Variants in MYH10 observed in about 807,000 individuals in gnomAD.
MYH10 encodes the protein myosin heavy chain 10, also known as myosin-10.
In MYH10, 55 loss-of-function variants were observed where a neutral mutation model predicts 257.8. The observed-to-expected ratio is 0.21, with a 90% CI of 0.17 to 0.27. The LOEUF is 0.27. Ranked by LOEUF, MYH10 falls within the 10% of genes least tolerant of loss-of-function variation. The pLI, the probability that MYH10 is intolerant of heterozygous loss-of-function variation, is 1.00. For synonymous variants in MYH10, 854 were observed against 921.7 expected (o/e 0.93, Z 1.33); for missense variants, 1,631 against 2,500.6 (o/e 0.65, Z 7.42).
At chr17:8,576,989 A>G (rs1003862681) in intron 5 of MYH10, among the ~76,000 whole-genome samples, 12 of 152,218 alleles carry the variant, frequency 7.9e-5, no homozygotes, top group African/African-American at 2.2e-4. Flanking sequence ...AATCTTTGCA[A>G]GAAATTAGGC....
At position 8,512,691 on chromosome 17, in the gene MYH10, CT is replaced by C. The variant is rs760867861; in HGVS notation, c.2746-35del. ...ACAATAAAGTGTCTGTGATTTGCCC[CT>C]ATTACATACGTACACAGTATATATT... On this transcript the variant is annotated intron_variant, in intron 23 of 42. Coordinates refer to ENST00000360416, the MANE Select transcript of MYH10 (RefSeq NM_001256012.3). The C allele has an allele frequency of 4.5e-6, 7 of 1,564,290 alleles. No individual in the cohort carries two copies. In the South Asian group the frequency reaches 4.5e-5, roughly 10 times the overall value.
intron 7 of MYH10, among the ~76,000 whole-genome samples, chr17:8,555,210 T>C (rs2082755077): frequency 1.3e-5 from 2 of 152,194 alleles, no homozygotes; most frequent in East Asian, 1.9e-4. Flanking sequence ...TAAGAAGGAC[T>C]GACACTAGTA....
chr17:8,524,941 A>G (rs780798203), intron 17 of MYH10, among the ~76,000 whole-genome samples: 1 of 152,142 alleles, frequency 6.6e-6, no homozygotes, highest in Non-Finnish European at 1.5e-5. Context: ...CAATTTCTCT[A>G]AGCCTCAATT....
chr17:8,486,770 A>C (rs1914887552), intron 36 of MYH10, among the ~76,000 whole-genome samples: 1 of 152,100 alleles, frequency 6.6e-6, no homozygotes, highest in South Asian at 2.1e-4. Flanking sequence ...TTCCCCACAC[A>C]CCCCATCACT....
intron 40 of MYH10, among the ~76,000 whole-genome samples, chr17:8,478,934 G>A (rs1009007144): frequency 1.2e-4 from 18 of 152,270 alleles, no homozygotes; most frequent in South Asian, 2.1e-4. Flanking sequence ...GTTTTACTAC[G>A]TTGGCCAGGC....
At chr17:8,509,992 T>C (rs760513171) in intron 24 of MYH10, 43 bp from the exon 25 acceptor site, 13 of 1,537,434 alleles carry the variant, frequency 8.5e-6, no homozygotes, top group South Asian at 7.1e-5. Flanking sequence ...TTCTCGAGAT[T>C]TGACCACACA....
intron 14 of MYH10, among the ~76,000 whole-genome samples, chr17:8,536,152 T>C (rs1443934610): frequency 6.6e-6 from 1 of 152,104 alleles, no homozygotes; most frequent in African/African-American, 2.4e-5. Flanking sequence ...GAGTAACTTA[T>C]CTCAAACTTA....
intron 2 of MYH10, among the ~76,000 whole-genome samples, chr17:8,608,147 C>T (rs1023400257): frequency 2.0e-5 from 3 of 152,104 alleles, no homozygotes; most frequent in Non-Finnish European, 4.4e-5. Context: ...CTGAACAATT[C>T]GGATTTTGTC....
At chr17:8,485,938 GGATA>G (rs1439801130) in intron 36 of MYH10, among the ~76,000 whole-genome samples, 1 of 152,176 alleles carries the variant, frequency 6.6e-6, no homozygotes, top group East Asian at 1.9e-4. Flanking sequence ...TCCAACTGGG[GGATA>G]GACGAGTAAA....
At chr17:8,539,430 TAG>T (rs1190268847) in intron 14 of MYH10, among the ~76,000 whole-genome samples, 1 of 152,136 alleles carries the variant, frequency 6.6e-6, no homozygotes, top group Admixed American at 6.6e-5. Flanking sequence ...GAGCATCAGT[TAG>T]AGTCATACCC....
chr17:8,609,080 G>A (rs1197419718), intron 2 of MYH10, among the ~76,000 whole-genome samples: 3 of 152,170 alleles, frequency 2.0e-5, no homozygotes, highest in African/African-American at 7.2e-5. Flanking sequence ...CAAAGTGCTG[G>A]GATTACAGGC....
At position 8,490,634 on chromosome 17, in the gene MYH10, C is replaced by T; in HGVS notation, c.4672-82G>A. 1 of 1,424,086 alleles carries T rather than the reference C, an allele frequency of 7.0e-7. No homozygotes were observed. Among genetic ancestry groups the T allele is most frequent in the East Asian group, 2.3e-5 (1 of 43,524 alleles). 88.2% of individuals were successfully genotyped at this position (1,424,086 alleles called of 1,614,324 possible). On this transcript the variant is annotated intron_variant, in intron 34 of 42. Transcript: ENST00000360416. The surrounding 1 kb of genome is among the most constrained non-coding windows in gnomAD (Gnocchi z 4.1). Reference sequence around the variant, plus strand: ...CAGCAGTCTTACTGTTTTACAGGCCCACTCGTGGCATGCTGGCCACTTTGG... The same window carrying T: ...CAGCAGTCTTACTGTTTTACAGGCCTACTCGTGGCATGCTGGCCACTTTGG...
chr17:8,514,894 TC>T (rs2081415378), intron 21 of MYH10, among the ~76,000 whole-genome samples: 1 of 152,118 alleles, frequency 6.6e-6, no homozygotes, highest in South Asian at 2.1e-4. Flanking sequence ...CACGCTGCAC[TC>T]CTCTGGGGAC....
intron 7 of MYH10, among the ~76,000 whole-genome samples, chr17:8,568,577 T>C (rs1310591289): frequency 6.6e-6 from 1 of 152,028 alleles, no homozygotes; most frequent in Non-Finnish European, 1.5e-5. Flanking sequence ...TTACCAATAC[T>C]TCAGAGCAGG....
At chr17:8,629,846 TC>T (rs987256198) in intron 1 of MYH10, among the ~76,000 whole-genome samples, 1 of 150,112 alleles carries the variant, frequency 6.7e-6, no homozygotes, top group African/African-American at 2.5e-5. Context: ...GCCTAGGCGC[TC>T]CACGGAGGGC....
chr17:8,614,281 A>G (rs2085158226), intron 2 of MYH10, among the ~76,000 whole-genome samples: 1 of 147,968 alleles, frequency 6.8e-6, no homozygotes, highest in Admixed American at 6.7e-5. Context: ...AAGATCCCCT[A>G]GATTTAGAAA....
At chr17:8,482,212 G>A (rs530896959) in intron 37 of MYH10, among the ~76,000 whole-genome samples, 6 of 152,332 alleles carry the variant, frequency 3.9e-5, no homozygotes, top group South Asian at 2.1e-4. Context: ...AAAAAGTCAG[G>A]GTTCCTACTC....
chr17:8,594,100 T>A (rs1238979474), intron 3 of MYH10, among the ~76,000 whole-genome samples: 1 of 152,124 alleles, frequency 6.6e-6, no homozygotes, highest in African/African-American at 2.4e-5. Context: ...CAATTGAATA[T>A]CCATAAGCAA....
In MYH10 at chr17:8,488,790, T is replaced by A. The variant is rs374583703; in HGVS notation, c.4885-1196A>T. Among the ~76,000 whole-genome samples the A allele has an allele frequency of 2.0e-5, 3 of 152,192 alleles. No homozygotes were observed. In the East Asian group the frequency reaches 5.9e-4, roughly 30 times the overall value. ...CTTCCGCATAGGGCAGAGGTGCTCG[T>A]CATCTGCTTGCTGTGTTCTGCAGAG... On this transcript the variant is annotated intron_variant, in intron 35 of 42. Transcript: ENST00000360416.
Sources: gnomAD v4.1 joint callset for allele counts (sites outside exome capture counted in the v4.1 genomes callset) on GRCh38, gnomAD v4.1.1 for gene constraint, Gnocchi (gnomAD v3.1) non-coding constraint, MANE v1.5 for transcripts, NCBI Gene and HGNC (gene_info 2026-07-23, HGNC 2026-07-21) for gene names.